Variants in MTERF1 observed in about 807,000 individuals in gnomAD.
The protein encoded by MTERF1 is transcription termination factor 1, mitochondrial.
In MTERF1, 29 loss-of-function variants were observed where a neutral mutation model predicts 31.6. The observed-to-expected ratio is 0.92, with a 90% CI of 0.68 to 1.25. The LOEUF (loss-of-function observed/expected upper bound fraction) is 1.25, where lower values mean the gene tolerates loss of function less well. Among genes scored for constraint, MTERF1 ranks in the 50% most tolerant of loss-of-function variants. MTERF1 has a pLI of 0.00. For synonymous variants in MTERF1, 152 were observed against 164.1 expected, an observed-to-expected ratio of 0.93 and a Z score of 0.57; for missense variants, 500 against 469.1, an observed-to-expected ratio of 1.07 and a Z score of -0.61.
chr7:91,873,563 C>T lies in MTERF1; in HGVS notation c.*31G>A. On this transcript the variant is annotated 3_prime_UTR_variant, in exon 3 of 3. Transcript: ENST00000351870. ...TTTGCAATGTGGCATAACATATTCA[C>T]AGTTCCTGAGAATTAAAAACATTGG... 1 of 1,539,182 alleles carries T rather than the reference C, an allele frequency of 6.5e-7. No individual in the cohort carries two copies. The highest frequency in any genetic ancestry group is 8.8e-7 in the Non-Finnish European group (1 of 1,140,070).
chr7:91,872,497 C>T lies in MTERF1; in HGVS notation c.*1097G>A, dbSNP rs1164730628. ...CTCTTGCTTTCTAAACTATGCCATGCTTGCCATCAAATAGTTAACCAAATT... is the reference window on the plus strand; with the variant it reads ...CTCTTGCTTTCTAAACTATGCCATGTTTGCCATCAAATAGTTAACCAAATT... On this transcript the variant is annotated 3_prime_UTR_variant, in exon 3 of 3. Coordinates refer to ENST00000351870, the MANE Select transcript of MTERF1 (RefSeq NM_006980.5). 1 of 152,302 alleles carries T rather than the reference C, an allele frequency of 6.6e-6. No individual in the cohort carries two copies. The highest frequency in any genetic ancestry group is 1.9e-4 in the East Asian group (1 of 5,180). 9.4% of individuals were successfully genotyped at this position (152,302 alleles called of 1,614,324 possible). A position where few individuals can be genotyped will look rare whatever the true frequency, so the allele number is the denominator to read the frequency against.
At position 91,874,179 on chromosome 7, in the gene MTERF1, G is replaced by A. The variant is rs769997868; in HGVS notation, c.615C>T (p.Ser205=). The A allele has an allele frequency of 4.5e-5, 72 of 1,614,086 alleles. No homozygotes were observed. The Middle Eastern group carries it at 4.9e-4, about 11-fold the overall frequency. The change falls in exon 3 of 3, where the codon TCC becomes TCT. Residue 205 remains serine (S), a synonymous_variant. Transcript: ENST00000351870. The part of the protein sequence containing the change: ...RLLTNAPRTF[S]NSLDLNKQMV... ...TCTGTTTATTCAGATCAAGACTATT[G>A]GAGAAGGTACGAGGGGCATTGGTCA...
rs75027287 is a variant in MTERF1, at chr7:91,872,029, C to T, written c.*1565G>A. 4,571 of 152,310 alleles carry T rather than the reference C, an allele frequency of 0.03. 374 individuals carry two copies. In the East Asian group the frequency reaches 0.35, roughly 12 times the overall value. 9.4% of individuals were successfully genotyped at this position (152,310 alleles called of 1,614,324 possible). ...GCAATCGCCATGTGATACACTGTGCCGCCTCAGGACTCTTCAGAGTCCCCA... is the reference window on the plus strand; with the variant it reads ...GCAATCGCCATGTGATACACTGTGCTGCCTCAGGACTCTTCAGAGTCCCCA... On this transcript the variant is annotated 3_prime_UTR_variant, in exon 3 of 3. Transcript: ENST00000351870.
chr7:91,874,106 G>C lies in MTERF1; in HGVS notation c.688C>G (p.Pro230Ala). ...ATTATCTTTCTGACAAAATCTGCGGGATCATTGTGACCCAATGACAAACCG... is the reference window on the plus strand; with the variant it reads ...ATTATCTTTCTGACAAAATCTGCGGCATCATTGTGACCCAATGACAAACCG... ...AAGLSLGHNDPADFVRKIIFK... is the reference protein window; with the variant it reads ...AAGLSLGHNDAADFVRKIIFK... Residue 230 changes from proline to alanine, a missense_variant, in exon 3 of 3, where the codon CCC becomes GCC. Transcript: ENST00000351870. 6.2e-7 allele frequency: 1 copy of C among 1,614,100 alleles called. No individual in the cohort carries two copies. Among genetic ancestry groups the C allele is most frequent in the Non-Finnish European group, 8.5e-7 (1 of 1,180,028 alleles).
Position 91,873,049 on chromosome 7 carries a change from T to C in MTERF1, c.*545A>G, listed in dbSNP as rs1181743310. The C allele has an allele frequency of 3.3e-5, 5 of 152,284 alleles. No individual in the cohort carries two copies. Among genetic ancestry groups the C allele is most frequent in the Non-Finnish European group, 7.3e-5 (5 of 68,066 alleles). 9.4% of individuals were successfully genotyped at this position (152,284 alleles called of 1,614,324 possible). On this transcript the variant is annotated 3_prime_UTR_variant, in exon 3 of 3. Transcript: ENST00000351870. ...TAAAAGGAAGAAATAGAGACTTTAC[T>C]AAAGGACTGTATTTTTGACTTCACC...
At position 91,871,178 on chromosome 7, in the gene MTERF1, C is replaced by G. The variant is rs1562841065; in HGVS notation, c.*2416G>C. The G allele has an allele frequency of 6.6e-6, 1 of 152,350 alleles. No homozygotes were observed. The highest frequency in any genetic ancestry group is 1.5e-5 in the Non-Finnish European group (1 of 68,202). 9.4% of individuals were successfully genotyped at this position (152,350 alleles called of 1,614,324 possible). A position where few individuals can be genotyped will look rare whatever the true frequency, so the allele number is the denominator to read the frequency against. On this transcript the variant is annotated 3_prime_UTR_variant, in exon 3 of 3. Coordinates refer to ENST00000351870, the MANE Select transcript of MTERF1 (RefSeq NM_006980.5). ...GTTAATTTTGCCTGACAGGCATTAT[C>G]TGTTTGTTTCTCCAAAGTTTTCCTT...
intron 2 of MTERF1, among the ~76,000 whole-genome samples, chr7:91,877,753 AATG>A (rs1789383022): frequency 6.6e-6 from 1 of 152,166 alleles, no homozygotes; most frequent in Non-Finnish European, 1.5e-5. Flanking sequence ...ACATTTGTAA[AATG>A]ATGTGATTAT....
rs551477367 is a variant in MTERF1, at chr7:91,873,381, T to C, written c.*213A>G. 88 of 429,344 alleles carry C rather than the reference T, an allele frequency of 2.0e-4. No individual in the cohort carries two copies. Among genetic ancestry groups the C allele is most frequent in the Non-Finnish European group, 3.4e-4 (83 of 247,064 alleles). The allele number at this position is 429,344 out of a possible 1,614,324, so 26.6% of individuals were successfully genotyped here. ...TTAACTTCCTTCAAAAGTAGTTGTC[T>C]TTCTTATACAGGATCACTCTGACCT... On this transcript the variant is annotated 3_prime_UTR_variant, in exon 3 of 3. Transcript: ENST00000351870.
chr7:91,874,857 T>C, intron 2 of MTERF1, 93 bp from the exon 3 acceptor site: 1 of 841,984 alleles, frequency 1.2e-6, no homozygotes, highest in South Asian at 1.9e-5. Context: ...TGGTCATTTC[T>C]ATGAGAATAT....
In MTERF1 at chr7:91,872,846, T is replaced by C. The variant is rs1258199959; in HGVS notation, c.*748A>G. ...AATTACTCTTTAATATTAGCTGAAA[T>C]GCCAACAAAATGCACAGAAATGATT... On this transcript the variant is annotated 3_prime_UTR_variant, in exon 3 of 3. Coordinates refer to ENST00000351870, the MANE Select transcript of MTERF1 (RefSeq NM_006980.5). 2 of 152,294 alleles carry C rather than the reference T, an allele frequency of 1.3e-5. No homozygotes were observed. Among genetic ancestry groups the C allele is most frequent in the East Asian group, 3.9e-4 (2 of 5,186 alleles). The allele number at this position is 152,294 out of a possible 1,614,324, so 9.4% of individuals were successfully genotyped here. A position where few individuals can be genotyped will look rare whatever the true frequency, so the allele number is the denominator to read the frequency against.
chr7:91,878,995 T>G (rs1484095498), intron 2 of MTERF1, among the ~76,000 whole-genome samples: 2 of 152,020 alleles, frequency 1.3e-5, no homozygotes, highest in East Asian at 3.9e-4. Flanking sequence ...ATACTAAAAT[T>G]AGCCAGGCAT....
Position 91,874,678 on chromosome 7 carries a change from C to T in MTERF1, c.116G>A (p.Cys39Tyr). Residue 39 changes from cysteine (C) to tyrosine (Y), a missense_variant, in exon 3 of 3, where the codon TGT becomes TAT. Coordinates refer to ENST00000351870, the MANE Select transcript of MTERF1 (RefSeq NM_006980.5). Reference protein sequence around the residue: ...MRNNFLFGSRCWMTRFSAENI... With the variant: ...MRNNFLFGSRYWMTRFSAENI... Reference sequence around the variant, plus strand: ...TTCTGCTGAAAATCGAGTCATCCAACATCTTGAACCAAAGAGAAAGTTATT... The same window carrying T: ...TTCTGCTGAAAATCGAGTCATCCAATATCTTGAACCAAAGAGAAAGTTATT... 1.9e-6 allele frequency: 3 copies of T among 1,614,108 alleles called. No individual in the cohort carries two copies. Among genetic ancestry groups the T allele is most frequent in the Non-Finnish European group, 2.5e-6 (3 of 1,180,030 alleles).
Position 91,874,429 on chromosome 7 carries a change from G to A in MTERF1, c.365C>T (p.Ala122Val). ...LSKGASKEVI[A>V]SIISRYPRAI... ...TCGTGGATATCTTGATATGATGCTA[G>A]CGATCACTTCTTTGCTAGCTCCTTT... The change falls in exon 3 of 3, where the codon GCT becomes GTT. Residue 122 changes from alanine (A) to valine (V), a missense_variant. By Grantham distance (64) the Ala-to-Val change is moderately conservative. Coordinates refer to ENST00000351870, the MANE Select transcript of MTERF1 (RefSeq NM_006980.5). The A allele has an allele frequency of 6.2e-7, 1 of 1,614,048 alleles. No homozygotes were observed. Among genetic ancestry groups the A allele is most frequent in the Non-Finnish European group, 8.5e-7 (1 of 1,180,014 alleles).
Position 91,874,358 on chromosome 7 carries a change from A to G in MTERF1, c.436T>C (p.Trp146Arg). Residue 146 changes from tryptophan to arginine, a missense_variant, in exon 3 of 3, where the codon TGG (tryptophan) becomes CGG (arginine). Physicochemically the swap from Trp to Arg is moderately radical, Grantham distance 101 (BLOSUM62 -3). Coordinates refer to ENST00000351870, the MANE Select transcript of MTERF1 (RefSeq NM_006980.5). ...AGGTCTGATGTCACAATCTTTCTCC[A>G]CAGATCCCACCGTTTTGAAAGATTC... ...PENLSKRWDL[W>R]RKIVTSDLEI... 6.2e-7 allele frequency: 1 copy of G among 1,614,134 alleles called. No individual in the cohort carries two copies. The highest frequency in any genetic ancestry group is 8.5e-7 in the Non-Finnish European group (1 of 1,180,032).
chr7:91,877,629 G>A lies in MTERF1; in HGVS notation c.29+2426C>T, dbSNP rs556083202. On this transcript the variant is annotated intron_variant, in intron 2 of 2. Transcript: ENST00000351870. ...TGGCATCTCTCTGAAATCCAACCTC[G>A]CTACTCTTTGTAATTCTCATTCTGT... is the stretch of plus-strand genomic sequence containing the variant. 3.3e-5 allele frequency among the ~76,000 whole-genome samples: 5 copies of A among 152,156 alleles called. No individual in the cohort carries two copies. In the East Asian group the frequency reaches 5.8e-4, roughly 18 times the overall value.
Position 91,874,740 on chromosome 7 carries a change from T to G in MTERF1, c.54A>C (p.Leu18=). 6.2e-7 allele frequency: 1 copy of G among 1,608,992 alleles called. No homozygotes were observed. The highest frequency in any genetic ancestry group is 1.1e-5 in the South Asian group (1 of 90,130). ...AGAGGTTTCCTGGTGCCATAATGGT[T>G]AGGTAGTTCAAACCTTTTGAAATGC... ...QTSISKGLNY[L]TIMAPGNLWH... is the part of the protein sequence containing the mutation. The change falls in exon 3 of 3, where the codon CTA becomes CTC. Residue 18 remains leucine, a synonymous_variant. Transcript: ENST00000351870.
intron 2 of MTERF1, among the ~76,000 whole-genome samples, chr7:91,876,341 GAATA>G (rs1365868597): frequency 6.6e-6 from 1 of 152,140 alleles, no homozygotes; most frequent in African/African-American, 2.4e-5. Flanking sequence ...TGCCTTTTTA[GAATA>G]TATAGCTGTA....
In MTERF1 at chr7:91,874,519, C is replaced by T. The variant is rs371838988; in HGVS notation, c.275G>A (p.Arg92Gln). ...CATCCTATGAAAAACTCCAGGCTGT[C>T]GTTTCCTTGCCATGTCAATATCTAC... ...MGVDIDMARK[R>Q]QPGVFHRMIT... Residue 92 changes from arginine (R) to glutamine (Q), a missense_variant, in exon 3 of 3, where the codon CGA becomes CAA. Physicochemically the swap from Arg to Gln is conservative, Grantham distance 43 (BLOSUM62 1). Transcript: ENST00000351870. 6 of 1,614,070 alleles carry T rather than the reference C, an allele frequency of 3.7e-6. No individual in the cohort carries two copies. The highest frequency in any genetic ancestry group is 5.1e-6 in the Non-Finnish European group (6 of 1,180,008).
chr7:91,874,448 C>T lies in MTERF1; in HGVS notation c.346G>A (p.Ala116Thr), dbSNP rs1789287213. Residue 116 changes from alanine to threonine, a missense_variant, in exon 3 of 3, where the codon GCT (alanine) becomes ACT (threonine). Physicochemically the swap from Ala to Thr is moderately conservative, Grantham distance 58. Transcript: ENST00000351870. The part of the protein sequence containing the change: ...DLKMFLLSKG[A>T]SKEVIASIIS... ...ATGCTAGCGATCACTTCTTTGCTAG[C>T]TCCTTTGGAAAGAAGGAACATCTTC... 6.2e-7 allele frequency: 1 copy of T among 1,614,050 alleles called. No individual in the cohort carries two copies. The highest frequency in any genetic ancestry group is 2.2e-5 in the East Asian group (1 of 44,874).
Sources: allele counts gnomAD v4.1 joint callset (sites outside exome capture counted in the v4.1 genomes callset), GRCh38; gene constraint gnomAD v4.1.1; transcripts MANE v1.5; gene names NCBI Gene and HGNC (gene_info 2026-07-23, HGNC 2026-07-21).